MBTPS1: variants seen among roughly 807,000 people sequenced by gnomAD.
The protein encoded by MBTPS1 is membrane-bound transcription factor site-1 protease.
A neutral mutation model predicts 127.8 loss-of-function variants in MBTPS1; 94 were observed. That is an observed-to-expected ratio of 0.74 (90% CI 0.62 to 0.87). The LOEUF (loss-of-function observed/expected upper bound fraction) is 0.87. MBTPS1 is among the 40% of genes least tolerant of loss of function. MBTPS1 has a pLI of 0.00. For missense variants in MBTPS1, 1,636 were observed against 1,353.2 expected, an observed-to-expected ratio of 1.21 and a Z score of -3.28; for synonymous variants, 632 against 509.4, an observed-to-expected ratio of 1.24 and a Z score of -3.24.
intron 16 of MBTPS1, among the ~76,000 whole-genome samples, chr16:84,067,443 C>T (rs1253782448): frequency 6.6e-6 from 1 of 152,176 alleles, no homozygotes. Flanking sequence ...GCCTTGGCCT[C>T]CCAGGTTCAA....
rs1157110890 is a variant in MBTPS1 at position 84,095,624 on chromosome 16, C to A, written c.603G>T (p.Val201=). 6.2e-7 allele frequency: 1 copy of A among 1,614,246 alleles called. No individual in the cohort carries two copies. The highest frequency in any genetic ancestry group is 8.5e-7 in the Non-Finnish European group (1 of 1,180,042). ...RQVAQTLQAD[V]LWQMGYTGAN... is the part of the protein sequence containing the mutation. ...CACCTGTATATCCCATCTGCCAGAG[C>A]ACATCTGCCTGCAGTGTCTGGGCAA... The change falls in exon 4 of 23, where the codon GTG becomes GTT. Residue 201 remains valine, a synonymous_variant. Transcript: ENST00000343411.
In MBTPS1 at chr16:84,068,418, C is replaced by G. The variant is rs1490453575; in HGVS notation, c.1992G>C (p.Met664Ile). The G allele has an allele frequency of 6.2e-7, 1 of 1,614,172 alleles. No homozygotes were observed. Among genetic ancestry groups the G allele is most frequent in the East Asian group, 2.2e-5 (1 of 44,882 alleles). Residue 664 changes from methionine (M) to isoleucine (I), a missense_variant, in exon 15 of 23, where the codon ATG becomes ATC. Transcript: ENST00000343411. ...GDHIHTNFRD[M>I]YQHLRSMGYF... ...AGCCCATGCTTCTCAGATGCTGGTA[C>G]ATATCCCTGAAATTGGTGTGGATGT...
chr16:84,093,838 A>G lies in MBTPS1; in HGVS notation c.626-17T>C, dbSNP rs1392038388. ...CATTAGCACCTTATTCGGAAAAGAA[A>G]GCAAACACAATTATGTTTGAAGAAA... On this transcript the variant is annotated splice_polypyrimidine_tract_variant and intron_variant, in intron 4 of 22. Coordinates refer to ENST00000343411, the MANE Select transcript of MBTPS1 (RefSeq NM_003791.4). The G allele has an allele frequency of 5.3e-6, 8 of 1,503,348 alleles. No homozygotes were observed. Among genetic ancestry groups the G allele is most frequent in the African/African-American group, 1.4e-5 (1 of 72,852 alleles). 93.1% of individuals were successfully genotyped at this position (1,503,348 alleles called of 1,614,324 possible).
At chr16:84,092,827 G>A (rs952119671) in intron 6 of MBTPS1, among the ~76,000 whole-genome samples, 1 of 152,186 alleles carries the variant, frequency 6.6e-6, no homozygotes, top group African/African-American at 2.4e-5. Flanking sequence ...AATCAGGGAG[G>A]CAAGCACACT....
chr16:84,095,540 C>A (rs111741389), intron 4 of MBTPS1, 62 bp downstream of exon 4: 4 of 1,569,896 alleles, frequency 2.5e-6, no homozygotes, highest in African/African-American at 2.7e-5. Context: ...TCCGCGCCTT[C>A]CCTGGGTAAT....
chr16:84,101,754 C>T lies in MBTPS1; in HGVS notation c.30G>A (p.Leu10=), dbSNP rs764346166. MKLVNIWLL[L]LVVLLCGKKH... is the part of the protein sequence containing the mutation. ...TCTTCCCACAGAGCAAAACCACGAG[C>T]AGAAGCAGCCAGATGTTGACAAGCT... The change falls in exon 2 of 23, where the codon CTG becomes CTA. Residue 10 remains leucine, a synonymous_variant. Transcript: ENST00000343411. The T allele has an allele frequency of 1.2e-6, 2 of 1,613,866 alleles. No individual in the cohort carries two copies. The highest frequency in any genetic ancestry group is 1.7e-6 in the Non-Finnish European group (2 of 1,179,904).
intron 3 of MBTPS1, among the ~76,000 whole-genome samples, chr16:84,098,196 C>G (rs1454732824): frequency 6.6e-6 from 1 of 152,166 alleles, no homozygotes; most frequent in Non-Finnish European, 1.5e-5. Context: ...AAGTTGCTTC[C>G]ATGCTCACAC....
chr16:84,113,530 G>A (rs372174642), intron 1 of MBTPS1, among the ~76,000 whole-genome samples: 1 of 152,200 alleles, frequency 6.6e-6, no homozygotes, highest in Non-Finnish European at 1.5e-5. Context: ...TATTACTTGC[G>A]CAAGCAACTG....
chr16:84,058,958 C>G (rs1439913194), intron 21 of MBTPS1, among the ~76,000 whole-genome samples: 1 of 152,216 alleles, frequency 6.6e-6, no homozygotes, highest in Non-Finnish European at 1.5e-5. Flanking sequence ...TCATCAATGT[C>G]TGAAACAGGG....
chr16:84,113,775 G>C (rs1430439179), intron 1 of MBTPS1, among the ~76,000 whole-genome samples: 1 of 152,158 alleles, frequency 6.6e-6, no homozygotes, highest in Non-Finnish European at 1.5e-5. Flanking sequence ...TACTAAAATA[G>C]CTCCAAAGGA....
intron 10 of MBTPS1, among the ~76,000 whole-genome samples, chr16:84,082,779 A>G (rs960895985): frequency 8.5e-5 from 13 of 152,192 alleles, no homozygotes; most frequent in Non-Finnish European, 7.4e-5. Flanking sequence ...TAATGACAGA[A>G]GAAAAGAAGT....
chr16:84,090,146 T>C (rs2086083585), intron 8 of MBTPS1, among the ~76,000 whole-genome samples: 1 of 152,078 alleles, frequency 6.6e-6, no homozygotes, highest in African/African-American at 2.4e-5. Context: ...GCCCTGGATT[T>C]GTGTAAAGCA....
Position 84,055,995 on chromosome 16 carries a change from G to A in MBTPS1, c.2962+10C>T, listed in dbSNP as rs747469810. 2.1e-5 allele frequency: 34 copies of A among 1,607,802 alleles called. No homozygotes were observed. The highest frequency in any genetic ancestry group is 3.3e-5 in the South Asian group (3 of 90,800). Reference sequence around the variant, plus strand: ...GACTGAGCACAATCACAAAGCAGCCGAGAACTCACCTCCAGGAATGTCCCA... The same window carrying A: ...GACTGAGCACAATCACAAAGCAGCCAAGAACTCACCTCCAGGAATGTCCCA... On this transcript the variant is annotated intron_variant, in intron 22 of 22. Coordinates refer to ENST00000343411, the MANE Select transcript of MBTPS1 (RefSeq NM_003791.4).
chr16:84,086,450 G>C (rs2086027282), intron 9 of MBTPS1: 1 of 152,494 alleles, frequency 6.6e-6, no homozygotes, highest in African/African-American at 2.4e-5. Flanking sequence ...TCACATGAGA[G>C]AATGGTCCCC....
In MBTPS1 at chr16:84,085,253, G is replaced by A. The variant is rs1197432085; in HGVS notation, c.1135-119C>T. ...TTAGTTAAAAACTGTATAACCTTAGGAAGGTACTGGTTTTAGTCTGAAATT... is the reference window on the plus strand; with the variant it reads ...TTAGTTAAAAACTGTATAACCTTAGAAAGGTACTGGTTTTAGTCTGAAATT... On this transcript the variant is annotated intron_variant, in intron 9 of 22. Transcript: ENST00000343411. The A allele has an allele frequency of 4.4e-5, 44 of 1,009,468 alleles. No homozygotes were observed. The East Asian group carries it at 1.2e-3, about 26-fold the overall frequency. 62.5% of individuals were successfully genotyped at this position (1,009,468 alleles called of 1,614,324 possible). A position where few individuals can be genotyped will look rare whatever the true frequency, so the allele number is the denominator to read the frequency against.
chr16:84,101,535 T>A (rs2086255332), intron 2 of MBTPS1, 86 bp downstream of exon 2: 3 of 1,154,234 alleles, frequency 2.6e-6, no homozygotes, highest in East Asian at 5.1e-5. Context: ...AAGAGGAACA[T>A]GTTATTCAGC....
At position 84,101,988 on chromosome 16, in the gene MBTPS1, C is replaced by T; in HGVS notation, c.-205G>A. On this transcript the variant is annotated 5_prime_UTR_variant, in exon 2 of 23. Transcript: ENST00000343411. ...GAGGCTTTCATTTCTTTCTCCGCTT[C>T]TTCTCCATCTTGGAAATAAGGCTTC... is the stretch of plus-strand genomic sequence containing the variant. 1.9e-6 allele frequency: 1 copy of T among 538,736 alleles called. No homozygotes were observed. 33.4% of individuals were successfully genotyped at this position (538,736 alleles called of 1,614,324 possible).
chr16:84,095,532 C>T (rs976082543), intron 4 of MBTPS1, 70 bp downstream of exon 4: 126 of 1,539,688 alleles, frequency 8.2e-5, no homozygotes, highest in African/African-American at 1.2e-4. Flanking sequence ...CTGGACTTTC[C>T]GCGCCTTCCC....
At chr16:84,095,395 G>A (rs934046592) in intron 4 of MBTPS1, among the ~76,000 whole-genome samples, 6 of 152,208 alleles carry the variant, frequency 3.9e-5, no homozygotes, top group Admixed American at 1.3e-4. Flanking sequence ...ACAGATGCCT[G>A]GCATCACAGG....
Sources: allele counts gnomAD v4.1 joint callset (sites outside exome capture counted in the v4.1 genomes callset), GRCh38; gene constraint gnomAD v4.1.1; transcripts MANE v1.5; gene names NCBI Gene and HGNC (gene_info 2026-07-23, HGNC 2026-07-21).